PRKG1: variants seen among roughly 807,000 people sequenced by gnomAD.
PRKG1 encodes the protein protein kinase cGMP-dependent 1.
A neutral mutation model predicts 88.1 loss-of-function variants in PRKG1; 35 were observed. The observed-to-expected ratio is 0.40, with a 90% CI of 0.30 to 0.53. The LOEUF (loss-of-function observed/expected upper bound fraction) is 0.53. Ranked by LOEUF, PRKG1 falls within the 20% of genes least tolerant of loss-of-function variation. The pLI is 0.59. For missense variants in PRKG1, 540 were observed against 839.8 expected (o/e 0.64, Z 4.41); for synonymous variants, 303 against 292.5 (o/e 1.04, Z -0.37).
chr10:51,978,618 A>T (rs1285748853), intron 5 of PRKG1, among the ~76,000 whole-genome samples: 2 of 151,670 alleles, frequency 1.3e-5, no homozygotes, highest in Admixed American at 1.3e-4. Flanking sequence ...CCTTTTGTTT[A>T]TGTCATCTCT....
intron 3 of PRKG1, among the ~76,000 whole-genome samples, chr10:51,735,135 G>C (rs532856201): frequency 6.6e-6 from 1 of 152,148 alleles, no homozygotes; most frequent in Admixed American, 6.5e-5. Context: ...GGATGGAAAT[G>C]GAAACCACGC....
intron 4 of PRKG1, among the ~76,000 whole-genome samples, chr10:51,873,280 G>A (rs1251177112): frequency 6.6e-6 from 1 of 151,792 alleles, no homozygotes; most frequent in Non-Finnish European, 1.5e-5. Flanking sequence ...GGGATTCATG[G>A]GATTAATTTT....
intron 9 of PRKG1, among the ~76,000 whole-genome samples, chr10:52,189,623 C>T (rs1349947410): frequency 6.6e-6 from 1 of 152,102 alleles, no homozygotes; most frequent in Admixed American, 6.5e-5. Flanking sequence ...ATCCTGAAAC[C>T]ATTTATCCCA....
chr10:51,794,594 T>C (rs1392983446), intron 3 of PRKG1, among the ~76,000 whole-genome samples: 1 of 152,112 alleles, frequency 6.6e-6, no homozygotes, highest in African/African-American at 2.4e-5. Context: ...TAATACATTG[T>C]ATTCTTGAAA....
intron 3 of PRKG1, among the ~76,000 whole-genome samples, chr10:51,490,659 A>G (rs1200576040): frequency 6.6e-6 from 1 of 152,136 alleles, no homozygotes; most frequent in Non-Finnish European, 1.5e-5. Flanking sequence ...GAAAGCAAAG[A>G]GAAATACTGT....
At chr10:51,596,807 G>A (rs1350999536) in intron 3 of PRKG1, among the ~76,000 whole-genome samples, 1 of 152,096 alleles carries the variant, frequency 6.6e-6, no homozygotes, top group Non-Finnish European at 1.5e-5. Flanking sequence ...TTTTTAAATT[G>A]CTTCTCAAAT....
intron 3 of PRKG1, among the ~76,000 whole-genome samples, chr10:51,671,112 T>G (rs1840563071): frequency 6.6e-6 from 1 of 152,238 alleles, no homozygotes; most frequent in East Asian, 1.9e-4. Context: ...AATGAGAATC[T>G]GATCATGCTA....
At chr10:52,152,239 A>G (rs1323618508) in intron 8 of PRKG1, among the ~76,000 whole-genome samples, 5 of 152,168 alleles carry the variant, frequency 3.3e-5, no homozygotes, top group Admixed American at 6.6e-5. Context: ...CCATCCAGCT[A>G]TTTATTAATT....
At chr10:51,093,063 T>C (rs535103288) in intron 1 of PRKG1, among the ~76,000 whole-genome samples, 1 of 152,300 alleles carries the variant, frequency 6.6e-6, no homozygotes, top group Admixed American at 6.5e-5. Flanking sequence ...TACTGTTTCC[T>C]TGTGTTTTGT....
chr10:52,033,383 G>A (rs981102159), intron 5 of PRKG1, among the ~76,000 whole-genome samples: 4 of 152,152 alleles, frequency 2.6e-5, no homozygotes, highest in Non-Finnish European at 5.9e-5. Flanking sequence ...TGACAAAAAA[G>A]CTTATAACCC....
At chr10:51,374,110 A>G (rs990101062) in intron 2 of PRKG1, among the ~76,000 whole-genome samples, 1 of 143,586 alleles carries the variant, frequency 7.0e-6, no homozygotes, top group African/African-American at 2.5e-5. Context: ...ATATATATAT[A>G]TATGTACTTT....
In PRKG1 at chr10:51,058,194, G is replaced by A. The variant is rs188677952; in HGVS notation, c.266+66550G>A. Among the ~76,000 whole-genome samples the A allele has an allele frequency of 4.3e-3, 653 of 152,226 alleles. 2 individuals are homozygous for A. The highest frequency in any genetic ancestry group is 0.014 in the African/African-American group (599 of 41,548). On this transcript the variant is annotated intron_variant, in intron 1 of 17. Transcript: ENST00000401604. The stretch of plus-strand genomic sequence containing the variant: ...ATTTTGCCCATTTCTCTATGGGGTT[G>A]TGTGTCTTGACTTATGAGTTTTAGG...
At chr10:51,672,379 C>CT (rs1425908520) in intron 3 of PRKG1, among the ~76,000 whole-genome samples, 3 of 151,956 alleles carry the variant, frequency 2.0e-5, no homozygotes, top group Non-Finnish European at 4.4e-5. Context: ...GTCTAATCTG[C>CT]TTTTTAATTC....
At chr10:51,711,996 A>G (rs1156436733) in intron 3 of PRKG1, among the ~76,000 whole-genome samples, 2 of 152,220 alleles carry the variant, frequency 1.3e-5, no homozygotes, top group Admixed American at 6.5e-5. Context: ...TATAATAAAC[A>G]GATGAAGCAG....
At chr10:51,034,164 A>G (rs1307843669) in intron 1 of PRKG1, among the ~76,000 whole-genome samples, 1 of 152,202 alleles carries the variant, frequency 6.6e-6, no homozygotes, top group African/African-American at 2.4e-5. Context: ...AGCACTCTTC[A>G]TGAACTTAGA....
chr10:51,664,637 G>T (rs565232420), intron 3 of PRKG1, among the ~76,000 whole-genome samples: 3 of 152,004 alleles, frequency 2.0e-5, no homozygotes, highest in African/African-American at 7.3e-5. Context: ...TACTGAGGGC[G>T]AATAAGATAC....
At chr10:51,290,578 C>G (rs1261531098) in intron 2 of PRKG1, among the ~76,000 whole-genome samples, 1 of 152,124 alleles carries the variant, frequency 6.6e-6, no homozygotes, top group Admixed American at 6.6e-5. Flanking sequence ...TTGTATGCTT[C>G]AGGATGTGAT....
chr10:51,589,555 G>A (rs1447335156), intron 3 of PRKG1, among the ~76,000 whole-genome samples: 3 of 152,088 alleles, frequency 2.0e-5, no homozygotes, highest in Non-Finnish European at 2.9e-5. Flanking sequence ...ACCAGGAGGC[G>A]GAGGTTGCAG....
At chr10:51,790,647 C>T (rs1838846210) in intron 3 of PRKG1, among the ~76,000 whole-genome samples, 1 of 152,112 alleles carries the variant, frequency 6.6e-6, no homozygotes, top group Admixed American at 6.5e-5. Flanking sequence ...TATGAGACAC[C>T]ATTTCCTTTA....
Sources: allele counts gnomAD v4.1 joint callset (sites outside exome capture counted in the v4.1 genomes callset), GRCh38; gene constraint gnomAD v4.1.1; transcripts MANE v1.5; gene names NCBI Gene and HGNC (gene_info 2026-07-23, HGNC 2026-07-21).